The following CADM2 variants were observed in gnomAD, a reference collection of about 807,000 sequenced individuals.
CADM2 encodes cell adhesion molecule 2.
A neutral mutation model predicts 49.8 loss-of-function variants in CADM2; 12 were observed. That is an observed-to-expected ratio of 0.24 (90% CI 0.15 to 0.39). The LOEUF (loss-of-function observed/expected upper bound fraction) is 0.39. Ranked by LOEUF, CADM2 falls within the 10% of genes least tolerant of loss-of-function variation. CADM2 has a pLI of 1.00. For missense variants in CADM2, 378 were observed against 492.3 expected, an observed-to-expected ratio of 0.77 and a Z score of 2.20; for synonymous variants, 214 against 175.4, an observed-to-expected ratio of 1.22 and a Z score of -1.74.
chr3:85,869,645 A>C (rs557176355), intron 3 of CADM2, among the ~76,000 whole-genome samples: 1 of 151,636 alleles, frequency 6.6e-6, no homozygotes, highest in South Asian at 2.1e-4. Flanking sequence ...ATCTGCCTAC[A>C]TTTTTTATAT....
At chr3:85,973,420 A>G (rs2108647850) in intron 8 of CADM2, among the ~76,000 whole-genome samples, 1 of 151,874 alleles carries the variant, frequency 6.6e-6, no homozygotes, top group East Asian at 2.0e-4. Context: ...TTGAAAGCAT[A>G]GAGCTAGCCA....
At chr3:85,515,626 T>TAG (rs2060878863) in intron 1 of CADM2, among the ~76,000 whole-genome samples, 1 of 115,458 alleles carries the variant, frequency 8.7e-6, no homozygotes, top group African/African-American at 3.6e-5. Context: ...TATATATATA[T>TAG]ATATATTTTT....
intron 1 of CADM2, among the ~76,000 whole-genome samples, chr3:85,626,996 G>T (rs887021724): frequency 1.3e-5 from 2 of 152,014 alleles, no homozygotes; most frequent in Admixed American, 6.6e-5. Flanking sequence ...TTTGAACAGT[G>T]TGTAGGAATT....
intron 1 of CADM2, among the ~76,000 whole-genome samples, chr3:85,257,506 T>C (rs2042914487): frequency 6.6e-6 from 1 of 152,142 alleles, no homozygotes; most frequent in South Asian, 2.1e-4. Context: ...TTCCTTCTAG[T>C]AGGGCCTATC....
At chr3:85,618,543 ACCTTCCATTCTTAGTTCTAC>A (rs1325722541) in intron 1 of CADM2, among the ~76,000 whole-genome samples, 1 of 152,126 alleles carries the variant, frequency 6.6e-6, no homozygotes, top group African/African-American at 2.4e-5. Flanking sequence ...CCACCATGGT[ACCTTCCATTCTTAGTTCTAC>A]TTAGTCATAG....
chr3:85,961,643 G>T lies in CADM2; in HGVS notation c.966G>T (p.Val322=), dbSNP rs1292111758. Residue 322 remains valine (V), a synonymous_variant, in exon 8 of 10, where the codon GTG becomes GTT. Transcript: ENST00000383699. ...GCAGTGCGGAATATGTTCTCATTGT[G>T]CATGGTGAGTAAATTTTGGAAAACA... The part of the protein sequence containing the change: ...GQSSAEYVLI[V]HDPNALAGQN... The T allele has an allele frequency of 1.3e-6, 2 of 1,531,914 alleles. No homozygotes were observed. Among genetic ancestry groups the T allele is most frequent in the Admixed American group, 1.8e-5 (1 of 56,866 alleles). The allele number at this position is 1,531,914 out of a possible 1,614,324, so 94.9% of individuals were successfully genotyped here. A position where few individuals can be genotyped will look rare whatever the true frequency, so the allele number is the denominator to read the frequency against.
intron 1 of CADM2, among the ~76,000 whole-genome samples, chr3:85,024,642 G>A (rs1333132584): frequency 6.7e-6 from 1 of 150,198 alleles, no homozygotes; most frequent in Non-Finnish European, 1.5e-5. Flanking sequence ...ACAGTCAGAG[G>A]GAAAGGCAGT....
chr3:85,130,142 G>T (rs1310770072), intron 1 of CADM2, among the ~76,000 whole-genome samples: 1 of 152,156 alleles, frequency 6.6e-6, no homozygotes, highest in Non-Finnish European at 1.5e-5. Flanking sequence ...CTTATTTAAA[G>T]ACTTATTCAG....
intron 1 of CADM2, among the ~76,000 whole-genome samples, chr3:85,084,071 G>C (rs886540628): frequency 8.5e-5 from 13 of 152,088 alleles, no homozygotes; most frequent in African/African-American, 3.1e-4. Context: ...TTTGAAATAA[G>C]CTGCGTGATG....
intron 1 of CADM2, among the ~76,000 whole-genome samples, chr3:85,530,480 G>A (rs571970659): frequency 1.3e-4 from 20 of 151,854 alleles, no homozygotes; most frequent in Admixed American, 3.3e-4. Flanking sequence ...ACAGGCGCCC[G>A]CCACCACACC....
At chr3:85,341,285 G>A (rs2045233098) in intron 1 of CADM2, among the ~76,000 whole-genome samples, 1 of 151,714 alleles carries the variant, frequency 6.6e-6, no homozygotes, top group South Asian at 2.1e-4. Flanking sequence ...AAATAAGGAG[G>A]AAATGAAATG....
chr3:85,331,250 A>G (rs1282420878), intron 1 of CADM2, among the ~76,000 whole-genome samples: 1 of 151,926 alleles, frequency 6.6e-6, no homozygotes, highest in Non-Finnish European at 1.5e-5. Context: ...ATTTTTGTAA[A>G]CGTTAACCAT....
At chr3:85,817,107 C>A (rs60830268) in intron 3 of CADM2, among the ~76,000 whole-genome samples, 6 of 152,142 alleles carry the variant, frequency 3.9e-5, no homozygotes, top group African/African-American at 1.4e-4. Context: ...CAGCAGTAAG[C>A]AAGCATTTTG....
chr3:85,636,337 AT>A (rs2064481113), intron 1 of CADM2, among the ~76,000 whole-genome samples: 1 of 152,242 alleles, frequency 6.6e-6, no homozygotes, highest in Admixed American at 6.5e-5. Flanking sequence ...AGCTTAAAAA[AT>A]AAAAAGGTTA....
chr3:85,926,832 TG>T (rs1474394135), intron 6 of CADM2, among the ~76,000 whole-genome samples: 1 of 152,152 alleles, frequency 6.6e-6, no homozygotes, highest in Non-Finnish European at 1.5e-5. Context: ...GCCAAAGCCT[TG>T]GGCTGGCTGC....
intron 3 of CADM2, among the ~76,000 whole-genome samples, chr3:85,826,967 T>A (rs1370067033): frequency 6.6e-6 from 1 of 151,954 alleles, no homozygotes; most frequent in African/African-American, 2.4e-5. Flanking sequence ...TAAATGTAGT[T>A]AGGAACTGTT....
intron 1 of CADM2, among the ~76,000 whole-genome samples, chr3:85,216,086 G>A (rs1317820264): frequency 6.6e-6 from 1 of 151,666 alleles, no homozygotes; most frequent in Non-Finnish European, 1.5e-5. Context: ...TGTAGTTTGG[G>A]GATAGTTGTT....
intron 1 of CADM2, among the ~76,000 whole-genome samples, chr3:85,020,143 G>A (rs1261975864): frequency 6.6e-6 from 1 of 151,684 alleles, no homozygotes; most frequent in East Asian, 1.9e-4. Flanking sequence ...TATTTTATTT[G>A]CCTCTTAATA....
chr3:85,904,076 C>T (rs1036869182), intron 5 of CADM2, among the ~76,000 whole-genome samples: 1 of 152,100 alleles, frequency 6.6e-6, no homozygotes, highest in Non-Finnish European at 1.5e-5. Flanking sequence ...CCAAAGTCTC[C>T]ACTTTGAACT....
Sources: allele counts gnomAD v4.1 joint callset (sites outside exome capture counted in the v4.1 genomes callset), GRCh38; gene constraint gnomAD v4.1.1; transcripts MANE v1.5; gene names NCBI Gene and HGNC (gene_info 2026-07-23, HGNC 2026-07-21).